KPNA3: variants seen among roughly 807,000 people sequenced by gnomAD.
KPNA3 encodes importin subunit alpha-4.
In KPNA3, 13 loss-of-function variants were observed where a neutral mutation model predicts 73.8. The observed-to-expected ratio is 0.18, with a 90% CI of 0.11 to 0.28. KPNA3 has a LOEUF of 0.28. KPNA3 is among the 10% of genes least tolerant of loss of function. The pLI is 1.00. For missense variants in KPNA3, 360 were observed against 618.1 expected, an observed-to-expected ratio of 0.58 and a Z score of 4.43; for synonymous variants, 186 against 206.9, an observed-to-expected ratio of 0.90 and a Z score of 0.87.
Position 49,748,798 on chromosome 13 carries a change from A to C in KPNA3, c.70-1805T>G, listed in dbSNP as rs1269686664. On this transcript the variant is annotated intron_variant, in intron 1 of 16. Coordinates refer to ENST00000261667, the MANE Select transcript of KPNA3 (RefSeq NM_002267.4). Reference sequence around the variant, plus strand: ...TAGAAAGAACCTTGAATTTAATTCTATATTTAGTATGTTTCTATATTGTGA... The same window carrying C: ...TAGAAAGAACCTTGAATTTAATTCTCTATTTAGTATGTTTCTATATTGTGA... Among the ~76,000 whole-genome samples the C allele has an allele frequency of 2.0e-5, 3 of 152,266 alleles. No individual in the cohort carries two copies. The East Asian group carries it at 5.8e-4, about 29-fold the overall frequency.
chr13:49,732,510 CTG>C, intron 5 of KPNA3, 44 bp from the exon 6 acceptor site: 1 of 1,474,796 alleles, frequency 6.8e-7, no homozygotes, highest in Non-Finnish European at 9.4e-7. Flanking sequence ...AATTTTCAAA[CTG>C]TGAAAAGAAA....
chr13:49,708,280 C>T (rs187122257), intron 12 of KPNA3, among the ~76,000 whole-genome samples: 1 of 152,304 alleles, frequency 6.6e-6, no homozygotes, highest in African/African-American at 2.4e-5. Context: ...CAGGCATGAG[C>T]CACCATGCCT....
intron 2 of KPNA3, among the ~76,000 whole-genome samples, chr13:49,746,066 A>G (rs1234763359): frequency 9.2e-5 from 1 of 10,882 alleles, no homozygotes; most frequent in African/African-American, 2.1e-4. Flanking sequence ...CTGCATCAGA[A>G]AAAAAAAAAA....
intron 1 of KPNA3, among the ~76,000 whole-genome samples, chr13:49,755,276 G>GA (rs954079840): frequency 1.3e-5 from 2 of 151,846 alleles, no homozygotes; most frequent in African/African-American, 2.4e-5. Context: ...ATTCAATGCA[G>GA]AAAAAAATGA....
At chr13:49,758,190 G>A (rs1424606658) in intron 1 of KPNA3, among the ~76,000 whole-genome samples, 1 of 152,006 alleles carries the variant, frequency 6.6e-6, no homozygotes, top group Non-Finnish European at 1.5e-5. Flanking sequence ...AAATAAAACA[G>A]ATCACATACA....
chr13:49,760,744 T>C (rs955444405), intron 1 of KPNA3, among the ~76,000 whole-genome samples: 1 of 152,208 alleles, frequency 6.6e-6, no homozygotes, highest in African/African-American at 2.4e-5. Flanking sequence ...ATGACTGGGC[T>C]GTCCCAGTGC....
chr13:49,785,119 A>T (rs1367336671), intron 1 of KPNA3, among the ~76,000 whole-genome samples: 3 of 152,152 alleles, frequency 2.0e-5, no homozygotes, highest in Non-Finnish European at 2.9e-5. Context: ...AGCATATAAG[A>T]AGTTCAGTGT....
chr13:49,784,761 G>T (rs528985022), intron 1 of KPNA3, among the ~76,000 whole-genome samples: 1 of 152,140 alleles, frequency 6.6e-6, no homozygotes, highest in Non-Finnish European at 1.5e-5. Context: ...TGTGTCTGCG[G>T]TGCCTACGAT....
Position 49,706,091 on chromosome 13 carries a change from A to G in KPNA3, c.1209+7T>C, listed in dbSNP as rs1954205156. On this transcript the variant is annotated splice_region_variant and intron_variant, in intron 14 of 16. Coordinates refer to ENST00000261667, the MANE Select transcript of KPNA3 (RefSeq NM_002267.4). Reference sequence around the variant, plus strand: ...CAATCATGACAGTTACAGGTTTTCAAACTCACCTGATCTTTTCTGCCACTT... The same window carrying G: ...CAATCATGACAGTTACAGGTTTTCAGACTCACCTGATCTTTTCTGCCACTT... 2 of 1,611,316 alleles carry G rather than the reference A, an allele frequency of 1.2e-6. No homozygotes were observed. The highest frequency in any genetic ancestry group is 8.5e-7 in the Non-Finnish European group (1 of 1,178,982).
chr13:49,744,176 C>A (rs540526522), intron 2 of KPNA3, among the ~76,000 whole-genome samples: 24 of 152,138 alleles, frequency 1.6e-4, no homozygotes, highest in African/African-American at 5.5e-4. Flanking sequence ...TGGATACTTA[C>A]GACGTGTGGA....
At chr13:49,720,729 C>CAAAAAAAA (rs10707385) in intron 9 of KPNA3, among the ~76,000 whole-genome samples, 1 of 88,018 alleles carries the variant, frequency 1.1e-5, no homozygotes, top group Non-Finnish European at 2.3e-5. Context: ...GAGACTGTCT[C>CAAAAAAAA]AAAAAAAAAA....
At chr13:49,750,897 C>A (rs1392884660) in intron 1 of KPNA3, among the ~76,000 whole-genome samples, 1 of 152,022 alleles carries the variant, frequency 6.6e-6, no homozygotes, top group African/African-American at 2.4e-5. Flanking sequence ...TAGGCTGAGG[C>A]ACAAGAATTG....
intron 2 of KPNA3, among the ~76,000 whole-genome samples, chr13:49,742,276 G>A (rs2137564945): frequency 6.6e-6 from 1 of 152,188 alleles, no homozygotes. Context: ...CACCTTAGTT[G>A]CCTTAGACAC....
intron 1 of KPNA3, among the ~76,000 whole-genome samples, chr13:49,757,904 T>G (rs570820812): frequency 5.3e-5 from 8 of 152,244 alleles, no homozygotes; most frequent in African/African-American, 1.9e-4. Context: ...TTGCAAGATG[T>G]TACCACTGGG....
intron 15 of KPNA3, 118 bp downstream of exon 15, chr13:49,705,503 T>C (rs758813009): frequency 9.7e-7 from 1 of 1,032,396 alleles, no homozygotes; most frequent in Non-Finnish European, 1.4e-6. Flanking sequence ...AGCAACATAC[T>C]GTGATCATTT....
intron 12 of KPNA3, 29 bp from the exon 13 acceptor site, chr13:49,706,401 T>A: frequency 2.7e-6 from 4 of 1,456,072 alleles, no homozygotes; most frequent in Non-Finnish European, 3.8e-6. Context: ...TAGGGCACCT[T>A]TATTTGAAAA....
At chr13:49,760,752 T>G (rs1300536583) in intron 1 of KPNA3, among the ~76,000 whole-genome samples, 1 of 152,148 alleles carries the variant, frequency 6.6e-6, no homozygotes, top group Non-Finnish European at 1.5e-5. Context: ...GCTGTCCCAG[T>G]GCCTGTGAGG....
chr13:49,739,549 AAAC>A (rs1169959902), intron 2 of KPNA3, among the ~76,000 whole-genome samples: 1 of 152,230 alleles, frequency 6.6e-6, no homozygotes, highest in Non-Finnish European at 1.5e-5. Context: ...GTAAAAGAAA[AAAC>A]AATTCACACG....
In KPNA3 at chr13:49,724,306, CT is replaced by C. The variant is rs138511170; in HGVS notation, c.469+1109del. ...GTAGAACTGCTGGGTCACATGATAA[CT>C]TTTTTTTTTTTTTTGAGGTGGAGTC... On this transcript the variant is annotated intron_variant, in intron 7 of 16. Coordinates refer to ENST00000261667, the MANE Select transcript of KPNA3 (RefSeq NM_002267.4). Among the ~76,000 whole-genome samples the C allele has an allele frequency of 5.2e-3, 747 of 143,052 alleles. 1 individual carries two copies. The highest frequency in any genetic ancestry group is 0.011 in the African/African-American group (432 of 39,428). The allele number at this position is 143,052 out of a possible 152,430, so 93.8% of individuals were successfully genotyped here.
Sources: allele counts gnomAD v4.1 joint callset (sites outside exome capture counted in the v4.1 genomes callset), GRCh38; gene constraint gnomAD v4.1.1; transcripts MANE v1.5; gene names NCBI Gene and HGNC (gene_info 2026-07-23, HGNC 2026-07-21).